The following LRRTM4 variants were observed in gnomAD, a reference collection of about 807,000 sequenced individuals.
The protein encoded by LRRTM4 is leucine-rich repeat transmembrane neuronal protein 4.
Under a neutral mutation model 47.6 loss-of-function variants are expected in LRRTM4, and 25 were observed. The ratio of observed to expected loss-of-function variants is 0.53; its 90% CI spans 0.38 to 0.73. LRRTM4 has a LOEUF of 0.73. Ranked by LOEUF, LRRTM4 falls within the 30% of genes least tolerant of loss-of-function variation. The pLI is 0.00. For synonymous variants in LRRTM4, 311 were observed against 269.5 expected, an observed-to-expected ratio of 1.15 and a Z score of -1.51; for missense variants, 638 against 713.4, an observed-to-expected ratio of 0.89 and a Z score of 1.20.
intron 3 of LRRTM4, among the ~76,000 whole-genome samples, chr2:77,401,727 C>T (rs1160748752): frequency 6.6e-6 from 1 of 151,920 alleles, no homozygotes; most frequent in African/African-American, 2.4e-5. Context: ...GGAAAATCAT[C>T]TTTCTAGTTT....
intron 3 of LRRTM4, among the ~76,000 whole-genome samples, chr2:77,155,920 G>A (rs1313614320): frequency 6.6e-6 from 1 of 152,092 alleles, no homozygotes; most frequent in Non-Finnish European, 1.5e-5. Flanking sequence ...AATGATAAAT[G>A]CCTGAGGTAA....
intron 3 of LRRTM4, among the ~76,000 whole-genome samples, chr2:77,162,780 TAACA>T (rs1484272190): frequency 3.3e-5 from 5 of 151,974 alleles, no homozygotes; most frequent in Non-Finnish European, 7.4e-5. Context: ...GAAGGAAAAC[TAACA>T]AACAGAAAGG....
At chr2:77,425,996 G>T (rs1675089048) in intron 3 of LRRTM4, among the ~76,000 whole-genome samples, 1 of 151,398 alleles carries the variant, frequency 6.6e-6, no homozygotes, top group Non-Finnish European at 1.5e-5. Context: ...CATGCCTGCT[G>T]TCCCAGCTAC....
chr2:76,843,609 T>TA (rs1184322815), intron 3 of LRRTM4, among the ~76,000 whole-genome samples: 1 of 152,194 alleles, frequency 6.6e-6, no homozygotes, highest in Non-Finnish European at 1.5e-5. Context: ...ACTATGTTAA[T>TA]AAAATTAATT....
intron 3 of LRRTM4, among the ~76,000 whole-genome samples, chr2:77,197,066 C>G (rs2103891376): frequency 6.6e-6 from 1 of 152,092 alleles, no homozygotes; most frequent in South Asian, 2.1e-4. Context: ...TTTCAATAGA[C>G]TCATCTATTT....
At chr2:77,018,016 T>C (rs1678131019) in intron 3 of LRRTM4, among the ~76,000 whole-genome samples, 2 of 151,972 alleles carry the variant, frequency 1.3e-5, no homozygotes, top group South Asian at 4.1e-4. Context: ...CTTATCCATC[T>C]ATGCGCATGT....
chr2:76,955,663 G>A (rs1470888499), intron 3 of LRRTM4, among the ~76,000 whole-genome samples: 1 of 151,710 alleles, frequency 6.6e-6, no homozygotes, highest in Non-Finnish European at 1.5e-5. Context: ...ATTAGGTCAT[G>A]AGGGTGGAGC....
intron 3 of LRRTM4, among the ~76,000 whole-genome samples, chr2:77,139,446 A>G (rs1195388898): frequency 2.6e-5 from 4 of 152,216 alleles, no homozygotes; most frequent in Admixed American, 2.0e-4. Context: ...AAAACTCTCA[A>G]TAAATTAGGT....
At chr2:77,099,345 T>C (rs1044778057) in intron 3 of LRRTM4, among the ~76,000 whole-genome samples, 1 of 151,978 alleles carries the variant, frequency 6.6e-6, no homozygotes, top group Non-Finnish European at 1.5e-5. Context: ...AAAACATGAT[T>C]AGACCCAAAA....
intron 3 of LRRTM4, among the ~76,000 whole-genome samples, chr2:76,820,601 G>A (rs1225371853): frequency 6.6e-6 from 1 of 151,696 alleles, no homozygotes; most frequent in African/African-American, 2.4e-5. Context: ...GAAGGAATTA[G>A]ATAGCACTAA....
chr2:77,049,712 T>G (rs1679364516), intron 3 of LRRTM4, among the ~76,000 whole-genome samples: 2 of 152,090 alleles, frequency 1.3e-5, no homozygotes, highest in South Asian at 2.1e-4. Context: ...ATGAATAGTA[T>G]GCAAATAATT....
chr2:76,807,198 TG>T (rs1199509539), intron 3 of LRRTM4, among the ~76,000 whole-genome samples: 1 of 151,778 alleles, frequency 6.6e-6, no homozygotes, highest in Non-Finnish European at 1.5e-5. Flanking sequence ...GAACACTGTT[TG>T]ACTATGGGAA....
At chr2:77,396,200 C>T (rs1193102576) in intron 3 of LRRTM4, among the ~76,000 whole-genome samples, 1 of 151,496 alleles carries the variant, frequency 6.6e-6, no homozygotes, top group Non-Finnish European at 1.5e-5. Context: ...TATAACAACC[C>T]CCTTAATCAT....
At chr2:77,475,951 T>C (rs777211765) in intron 3 of LRRTM4, among the ~76,000 whole-genome samples, 2 of 152,022 alleles carry the variant, frequency 1.3e-5, no homozygotes, top group Non-Finnish European at 2.9e-5. Context: ...CTACTTTTTC[T>C]ATTTAATAAA....
intron 3 of LRRTM4, among the ~76,000 whole-genome samples, chr2:77,078,389 CA>C (rs1204220892): frequency 5.9e-5 from 8 of 134,466 alleles, no homozygotes; most frequent in African/African-American, 2.5e-4. Context: ...CCCACACACA[CA>C]CACACACACA....
At chr2:77,326,143 A>G (rs1416417333) in intron 3 of LRRTM4, among the ~76,000 whole-genome samples, 4 of 152,200 alleles carry the variant, frequency 2.6e-5, no homozygotes, top group Non-Finnish European at 5.9e-5. Context: ...GTCCCAGTTT[A>G]TTATCATTAG....
Position 77,133,682 on chromosome 2 carries a change from T to C in LRRTM4, c.1551+384636A>G, listed in dbSNP as rs115662996. Among the ~76,000 whole-genome samples, 1,138 of 152,328 alleles carry C rather than the reference T, an allele frequency of 7.5e-3. 20 individuals are homozygous for C. Among genetic ancestry groups the C allele is most frequent in the African/African-American group, 0.025 (1,029 of 41,582 alleles). On this transcript the variant is annotated intron_variant, in intron 3 of 3. Transcript: ENST00000409884. ...GATGTTGGATGAAATAAATAACTTATCTGCATGGATATACATACAACCTGG... is the reference window on the plus strand; with the variant it reads ...GATGTTGGATGAAATAAATAACTTACCTGCATGGATATACATACAACCTGG...
At chr2:77,315,536 G>A (rs1311201218) in intron 3 of LRRTM4, among the ~76,000 whole-genome samples, 3 of 152,042 alleles carry the variant, frequency 2.0e-5, no homozygotes, top group Non-Finnish European at 1.5e-5. Flanking sequence ...TAATAATTAT[G>A]ACTAATTATG....
At chr2:77,212,717 C>T (rs1306845018) in intron 3 of LRRTM4, among the ~76,000 whole-genome samples, 1 of 151,950 alleles carries the variant, frequency 6.6e-6, no homozygotes, top group African/African-American at 2.4e-5. Flanking sequence ...TTGCTCCTCA[C>T]TTTATACCAA....
Sources: gnomAD v4.1 joint callset for allele counts (sites outside exome capture counted in the v4.1 genomes callset) on GRCh38, gnomAD v4.1.1 for gene constraint, MANE v1.5 for transcripts, NCBI Gene and HGNC (gene_info 2026-07-23, HGNC 2026-07-21) for gene names.